The following CNTN4 variants were observed in gnomAD, a reference collection of about 807,000 sequenced individuals.
CNTN4 encodes the protein contactin 4.
CNTN4 carries 77 observed loss-of-function variants against 122.5 expected under a neutral mutation model. That is an observed-to-expected ratio of 0.63 (90% CI 0.52 to 0.76). The LOEUF (loss-of-function observed/expected upper bound fraction) is 0.76. CNTN4 is among the 30% of genes least tolerant of loss of function. The pLI is 0.00. For synonymous variants in CNTN4, 512 were observed against 447.0 expected (o/e 1.15, Z -1.83); for missense variants, 1,256 against 1,259.1 (o/e 1.00, Z 0.04).
intron 10 of CNTN4, 74 bp downstream of exon 10, chr3:2,887,298 C>G (rs921776938): frequency 2.9e-6 from 4 of 1,377,524 alleles, no homozygotes; most frequent in Non-Finnish European, 4.1e-6. Context: ...AGCTGAGAGG[C>G]ATTCAGGCAT....
chr3:2,902,935 T>A lies in CNTN4; in HGVS notation c.1137T>A (p.Ala379=). The change falls in exon 12 of 25, where the codon GCT becomes GCA. Residue 379 remains alanine, a synonymous_variant. Coordinates refer to ENST00000418658, the MANE Select transcript of CNTN4 (RefSeq NM_175607.3). ...TAACAATAGTGAACCTCTCAGATGC[T>A]GGCATGTATCAGTGTTTGGCAGAGA... is the stretch of plus-strand genomic sequence containing the variant. ...LNITIVNLSD[A]GMYQCLAENK... 2 of 1,613,860 alleles carry A rather than the reference T, an allele frequency of 1.2e-6. No homozygotes were observed. Among genetic ancestry groups the A allele is most frequent in the South Asian group, 2.2e-5 (2 of 91,064 alleles).
chr3:2,439,420 T>C (rs967995415), intron 3 of CNTN4, among the ~76,000 whole-genome samples: 5 of 152,200 alleles, frequency 3.3e-5, no homozygotes, highest in African/African-American at 1.2e-4. Flanking sequence ...TTTTTTTTAC[T>C]TGGTATCATA....
At chr3:2,483,326 C>A (rs1222216010) in intron 3 of CNTN4, among the ~76,000 whole-genome samples, 3 of 152,168 alleles carry the variant, frequency 2.0e-5, no homozygotes, top group Non-Finnish European at 4.4e-5. Context: ...ATCTGTACCC[C>A]CATTGTATCT....
At chr3:2,481,055 T>TTCTTTCTCTCTTTCTC (rs1553663018) in intron 3 of CNTN4, among the ~76,000 whole-genome samples, 6 of 134,798 alleles carry the variant, frequency 4.5e-5, no homozygotes, top group African/African-American at 5.7e-5. Flanking sequence ...CTTTCTTTCT[T>TTCTTTCTCTCTTTCTC]TCTTTCTCTC....
At position 2,531,626 on chromosome 3, in the gene CNTN4, C is replaced by T. The variant is rs76395859; in HGVS notation, c.-88-39790C>T. Among the ~76,000 whole-genome samples the T allele has an allele frequency of 5.2e-3, 797 of 152,170 alleles. 8 individuals are homozygous for T. Among genetic ancestry groups the T allele is most frequent in the African/African-American group, 0.01 (426 of 41,524 alleles). ...TCCATTTACTCTTTCAGCCATTGAC[C>T]GCCCTTATTCCATTAAACAGAAAGT... On this transcript the variant is annotated intron_variant, in intron 3 of 24. Coordinates refer to ENST00000418658, the MANE Select transcript of CNTN4 (RefSeq NM_175607.3).
chr3:2,481,798 A>C (rs952696262), intron 3 of CNTN4, among the ~76,000 whole-genome samples: 2 of 152,100 alleles, frequency 1.3e-5, no homozygotes, highest in African/African-American at 4.8e-5. Context: ...TTTATAAGCA[A>C]CTGGCATTTC....
intron 3 of CNTN4, chr3:2,511,221 A>G (rs368248096): frequency 1.3e-5 from 2 of 152,166 alleles, no homozygotes; most frequent in African/African-American, 4.8e-5. Context: ...AATTACATAA[A>G]TTGCCCATTG....
intron 13 of CNTN4, among the ~76,000 whole-genome samples, chr3:2,974,133 G>A (rs1445807639): frequency 6.6e-6 from 1 of 152,112 alleles, no homozygotes; most frequent in African/African-American, 2.4e-5. Flanking sequence ...AACAAAAAAA[G>A]TAGTTCCTAG....
At chr3:2,355,487 C>T (rs781523551) in intron 3 of CNTN4, among the ~76,000 whole-genome samples, 13 of 152,184 alleles carry the variant, frequency 8.5e-5, no homozygotes, top group Admixed American at 6.5e-5. Flanking sequence ...CTTACAGCTA[C>T]GAAGTACAGC....
At chr3:2,174,520 T>A (rs941579693) in intron 2 of CNTN4, among the ~76,000 whole-genome samples, 1 of 152,074 alleles carries the variant, frequency 6.6e-6, no homozygotes, top group African/African-American at 2.4e-5. Context: ...ACCAAGGAAC[T>A]CTCCTGAGTC....
Position 2,835,000 on chromosome 3 carries a change from G to T in CNTN4, c.454+15419G>T, listed in dbSNP as rs564950395. ...GCTCACTGCCAGCTCCGCCTCCCGG[G>T]TTCACACCATTCTCCTGCTTCAGCC... On this transcript the variant is annotated intron_variant, in intron 7 of 24. Transcript: ENST00000418658. 1.9e-3 allele frequency among the ~76,000 whole-genome samples: 275 copies of T among 145,164 alleles called. 2 individuals carry two copies. In the Middle Eastern group the frequency reaches 0.036, roughly 19 times the overall value.
At chr3:2,451,593 T>A (rs2048831014) in intron 3 of CNTN4, among the ~76,000 whole-genome samples, 1 of 152,026 alleles carries the variant, frequency 6.6e-6, no homozygotes, top group Admixed American at 6.6e-5. Flanking sequence ...TTATCAAATT[T>A]TTAATAAATA....
At chr3:2,340,737 A>AGAGAGAGAGAGAGAGAGG (rs1168402469) in intron 3 of CNTN4, among the ~76,000 whole-genome samples, 2 of 133,170 alleles carry the variant, frequency 1.5e-5, no homozygotes, top group African/African-American at 5.4e-5. Flanking sequence ...AGAGAGAGAG[A>AGAGAGAGAGAGAGAGAGG]GAGTCAGAAA....
intron 3 of CNTN4, among the ~76,000 whole-genome samples, chr3:2,378,425 G>A (rs1827452): frequency 0.072 from 10,886 of 152,194 alleles, 928 homozygotes; most frequent in East Asian, 0.5. Context: ...GTCCCATTGC[G>A]TTTTTTGGCC....
At chr3:2,249,466 G>T (rs1029177721) in intron 2 of CNTN4, among the ~76,000 whole-genome samples, 4 of 151,966 alleles carry the variant, frequency 2.6e-5, no homozygotes, top group African/African-American at 4.8e-5. Flanking sequence ...GTGTCTGAAA[G>T]TGAGCAGCTA....
At chr3:2,392,467 CAAG>C (rs1033852767) in intron 3 of CNTN4, among the ~76,000 whole-genome samples, 1 of 152,092 alleles carries the variant, frequency 6.6e-6, no homozygotes, top group African/African-American at 2.4e-5. Context: ...TCTTCATGTT[CAAG>C]GAGAACCTCT....
At chr3:2,589,508 C>T (rs1217932007) in intron 4 of CNTN4, among the ~76,000 whole-genome samples, 1 of 152,160 alleles carries the variant, frequency 6.6e-6, no homozygotes, top group Admixed American at 6.5e-5. Context: ...CCTTCCCTCC[C>T]ACAAAGATGA....
chr3:2,754,218 G>A (rs1292393417), intron 6 of CNTN4, among the ~76,000 whole-genome samples: 1 of 152,092 alleles, frequency 6.6e-6, no homozygotes, highest in East Asian at 1.9e-4. Context: ...CTGTCAAACT[G>A]ATTACTTTAT....
rs144325432 is a variant in CNTN4 at position 2,660,811 on chromosome 3, C to T, written c.56-75404C>T. 6.4e-3 allele frequency among the ~76,000 whole-genome samples: 981 copies of T among 152,324 alleles called. 5 individuals are homozygous for T. The highest frequency in any genetic ancestry group is 9.5e-3 in the Non-Finnish European group (647 of 68,024). ...GATATAAGATTGAAGTTAAACACAA[C>T]TGATGCCCAGCACGTCAGAGCAGGA... On this transcript the variant is annotated intron_variant, in intron 4 of 24. Coordinates refer to ENST00000418658, the MANE Select transcript of CNTN4 (RefSeq NM_175607.3).
Sources: allele counts gnomAD v4.1 joint callset (sites outside exome capture counted in the v4.1 genomes callset), GRCh38; gene constraint gnomAD v4.1.1; transcripts MANE v1.5; gene names NCBI Gene and HGNC (gene_info 2026-07-23, HGNC 2026-07-21).